Variants in ZNF131 observed in about 807,000 individuals in gnomAD.
ZNF131 encodes zinc finger protein 131.
Under a neutral mutation model 60.0 loss-of-function variants are expected in ZNF131, and 7 were observed. The observed-to-expected ratio is 0.12, with a 90% CI of 0.07 to 0.22. The LOEUF is 0.22. Among genes scored for constraint, ZNF131 ranks in the 10% least tolerant of loss-of-function variants. The pLI, the probability that ZNF131 is intolerant of heterozygous loss-of-function variation, is 1.00. For synonymous variants in ZNF131, 257 were observed against 253.2 expected (o/e 1.01, Z -0.14); for missense variants, 493 against 740.9 (o/e 0.67, Z 3.88).
rs530899868 is a variant in ZNF131 at position 43,149,626 on chromosome 5, A to T, written c.371+10317A>T. Among the ~76,000 whole-genome samples the T allele has an allele frequency of 5.3e-5, 8 of 152,304 alleles. No homozygotes were observed. The South Asian group carries it at 1.7e-3, about 32-fold the overall frequency. On this transcript the variant is annotated intron_variant, in intron 4 of 6. Transcript: ENST00000682664. ...AAGATACTGTCAGTCTCTTTTTCAA[A>T]AATGGTTGTGCCATTTTACATTCCA...
intron 3 of ZNF131, among the ~76,000 whole-genome samples, chr5:43,125,377 T>C (rs1744398377): frequency 6.6e-6 from 1 of 151,684 alleles, no homozygotes; most frequent in Non-Finnish European, 1.5e-5. Flanking sequence ...CAGGCTGGTC[T>C]CGAATTCCCC....
chr5:43,172,827 T>C (rs1327272500), intron 5 of ZNF131, among the ~76,000 whole-genome samples: 2 of 152,166 alleles, frequency 1.3e-5, no homozygotes, highest in South Asian at 4.1e-4. Flanking sequence ...ACAGATCTTT[T>C]ATAGTGCATT....
At chr5:43,123,095 AC>A in intron 2 of ZNF131, 113 bp from the exon 3 acceptor site, 1 of 695,288 alleles carries the variant, frequency 1.4e-6, no homozygotes, top group Non-Finnish European at 2.3e-6. Flanking sequence ...TTCTGTAGTT[AC>A]GTAATGAAGG....
At chr5:43,143,957 C>G (rs1190921292) in intron 4 of ZNF131, among the ~76,000 whole-genome samples, 1 of 115,356 alleles carries the variant, frequency 8.7e-6, no homozygotes, top group East Asian at 2.9e-4. Context: ...GAGTCTCGCT[C>G]TGTCCCCAAG....
intron 4 of ZNF131, among the ~76,000 whole-genome samples, chr5:43,152,036 C>CG (rs1748380087): frequency 2.6e-5 from 4 of 151,594 alleles, no homozygotes; most frequent in Non-Finnish European, 4.4e-5. Context: ...GATGGAGTCC[C>CG]GCTCTGTCGC....
chr5:43,152,272 G>A (rs1748415682), intron 4 of ZNF131, among the ~76,000 whole-genome samples: 1 of 152,138 alleles, frequency 6.6e-6, no homozygotes, highest in Non-Finnish European at 1.5e-5. Context: ...CAAAGTGCTG[G>A]GATTACAGGT....
At chr5:43,122,003 C>T in intron 1 of ZNF131, 36 bp from the exon 2 acceptor site, 3 of 1,599,510 alleles carry the variant, frequency 1.9e-6, no homozygotes, top group Non-Finnish European at 2.6e-6. Flanking sequence ...TCGGCTCGAG[C>T]TCATGGGTGT....
intron 5 of ZNF131, chr5:43,168,117 T>C (rs909293764): frequency 5.9e-6 from 2 of 340,770 alleles, no homozygotes; most frequent in South Asian, 2.4e-5. Flanking sequence ...CATTAATTCA[T>C]TGATCCATGA....
At chr5:43,167,674 C>T (rs1304048961) in intron 5 of ZNF131, among the ~76,000 whole-genome samples, 1 of 151,836 alleles carries the variant, frequency 6.6e-6, no homozygotes, top group African/African-American at 2.4e-5. Flanking sequence ...TGCCATATAC[C>T]ACTAGGCCAT....
rs1751472964 is a variant in ZNF131, at chr5:43,175,447, C to T, written c.*314C>T. Reference sequence around the variant, plus strand: ...TTGTGGTAAAAGTTCTTCCTTTTCTCTTTCCCAGGTCATGTTCTTCCTCAA... The same window carrying T: ...TTGTGGTAAAAGTTCTTCCTTTTCTTTTTCCCAGGTCATGTTCTTCCTCAA... On this transcript the variant is annotated 3_prime_UTR_variant, in exon 7 of 7. Transcript: ENST00000682664. 1.0e-5 allele frequency: 7 copies of T among 698,958 alleles called. No homozygotes were observed. The highest frequency in any genetic ancestry group is 1.8e-5 in the Non-Finnish European group (7 of 384,516). 43.3% of individuals were successfully genotyped at this position (698,958 alleles called of 1,614,324 possible). A position where few individuals can be genotyped will look rare whatever the true frequency, so the allele number is the denominator to read the frequency against.
intron 5 of ZNF131, among the ~76,000 whole-genome samples, chr5:43,172,717 C>T (rs546707298): frequency 6.6e-6 from 1 of 151,974 alleles, no homozygotes; most frequent in Non-Finnish European, 1.5e-5. Flanking sequence ...CTGTTTTATA[C>T]CTCCGTGCCT....
At chr5:43,129,079 C>T (rs1744966974) in intron 3 of ZNF131, among the ~76,000 whole-genome samples, 1 of 151,960 alleles carries the variant, frequency 6.6e-6, no homozygotes, top group Non-Finnish European at 1.5e-5. Context: ...AATTAAGGCT[C>T]CCACCACCAT....
At position 43,139,282 on chromosome 5, in the gene ZNF131, T is replaced by G; in HGVS notation, c.344T>G (p.Leu115Arg). 1 of 1,611,086 alleles carries G rather than the reference T, an allele frequency of 6.2e-7. No individual in the cohort carries two copies. Residue 115 changes from leucine (L) to arginine (R), a missense_variant, in exon 4 of 7, where the codon CTA becomes CGA. This residue lies in a region of ZNF131 where 66 missense variants were observed against 148.0 expected (regional missense o/e 0.45). Transcript: ENST00000682664. ...AAAGCAGCAGAGTTTCTACAAATGC[T>G]AGAAGCTATCAAAGCCCTTGAAGTC... is the stretch of plus-strand genomic sequence containing the variant. ...VWKAAEFLQM[L>R]EAIKALEVRN... is the part of the protein sequence containing the mutation.
intron 4 of ZNF131, among the ~76,000 whole-genome samples, chr5:43,158,128 C>G (rs542648159): frequency 1.3e-5 from 2 of 152,224 alleles, no homozygotes; most frequent in Middle Eastern, 6.8e-3. Flanking sequence ...ACCGCCATGC[C>G]TGGCTGATTT....
chr5:43,157,507 G>A (rs1175277132), intron 4 of ZNF131, among the ~76,000 whole-genome samples: 3 of 150,124 alleles, frequency 2.0e-5, no homozygotes, highest in African/African-American at 7.3e-5. Context: ...ATTGATAAAA[G>A]AGTCTCTCTC....
At chr5:43,162,506 T>C (rs10941611) in intron 5 of ZNF131, among the ~76,000 whole-genome samples, 94,277 of 150,512 alleles carry the variant, frequency 0.63, 30,465 homozygotes, top group East Asian at 0.84. Context: ...GCAGGGGAAT[T>C]GCTTGAACCC....
chr5:43,132,791 G>A (rs1321302298), intron 3 of ZNF131, among the ~76,000 whole-genome samples: 1 of 152,138 alleles, frequency 6.6e-6, no homozygotes, highest in African/African-American at 2.4e-5. Flanking sequence ...GGGATTACAG[G>A]CATGAGCCAC....
intron 5 of ZNF131, among the ~76,000 whole-genome samples, chr5:43,165,398 G>A (rs1351773294): frequency 6.6e-6 from 1 of 152,022 alleles, no homozygotes; most frequent in Non-Finnish European, 1.5e-5. Flanking sequence ...TTCTTAATAA[G>A]ACTGGAAAGT....
At chr5:43,143,368 G>T (rs1352400751) in intron 4 of ZNF131, 10 of 1,331,140 alleles carry the variant, frequency 7.5e-6, no homozygotes, top group African/African-American at 1.5e-5. Flanking sequence ...TTTAGATCTT[G>T]TTGAAAGCAG....
Sources: gnomAD v4.1 joint callset for allele counts (sites outside exome capture counted in the v4.1 genomes callset) on GRCh38, gnomAD v4.1.1 for gene constraint, gnomAD v4.1.1 regional missense constraint, MANE v1.5 for transcripts, NCBI Gene and HGNC (gene_info 2026-07-23, HGNC 2026-07-21) for gene names.